RFX2: variants seen among roughly 807,000 people sequenced by gnomAD.
RFX2 encodes the protein DNA-binding protein RFX2.
A neutral mutation model predicts 87.8 loss-of-function variants in RFX2; 20 were observed. The observed-to-expected ratio is 0.23, with a 90% CI of 0.16 to 0.33. RFX2 has a LOEUF of 0.33. Ranked by LOEUF, RFX2 falls within the 10% of genes least tolerant of loss-of-function variation. The pLI is 1.00. For missense variants in RFX2, 767 were observed against 1,012.3 expected (o/e 0.76, Z 3.29); for synonymous variants, 397 against 431.3 (o/e 0.92, Z 0.98).
chr19:6,036,137 A>C (rs998909929), intron 5 of RFX2, among the ~76,000 whole-genome samples: 6 of 152,198 alleles, frequency 3.9e-5, no homozygotes, highest in African/African-American at 7.2e-5. Context: ...CATTCGTGAC[A>C]ATTACTGTAG....
At chr19:6,079,545 G>A (rs2144854976) in intron 1 of RFX2, among the ~76,000 whole-genome samples, 1 of 152,332 alleles carries the variant, frequency 6.6e-6, no homozygotes, top group African/African-American at 2.4e-5. Flanking sequence ...TGACTACAGA[G>A]AGAGGTTGGA....
At chr19:6,052,824 G>C (rs1244045015) in intron 1 of RFX2, among the ~76,000 whole-genome samples, 1 of 151,914 alleles carries the variant, frequency 6.6e-6, no homozygotes, top group African/African-American at 2.4e-5. Context: ...AAGAAAAATA[G>C]AAAATATTTT....
Position 6,083,117 on chromosome 19 carries a change from G to A in RFX2, c.-9+27276C>T, listed in dbSNP as rs1004014267. 1.3e-5 allele frequency among the ~76,000 whole-genome samples: 2 copies of A among 152,196 alleles called. No individual in the cohort carries two copies. The highest frequency in any genetic ancestry group is 1.5e-5 in the Non-Finnish European group (1 of 68,028). On this transcript the variant is annotated intron_variant, in intron 1 of 17. Coordinates refer to ENST00000303657, the MANE Select transcript of RFX2 (RefSeq NM_000635.4). The surrounding 1 kb of genome is among the most constrained non-coding windows in gnomAD (Gnocchi z 4.6). The stretch of plus-strand genomic sequence containing the variant: ...AGACGGGGTTTCACCCTGTTGTCCA[G>A]GCTGGTCTTGAACTCCTGGCCTCAA...
chr19:6,088,458 G>T (rs558157029), intron 1 of RFX2, among the ~76,000 whole-genome samples: 2 of 151,964 alleles, frequency 1.3e-5, no homozygotes, highest in Non-Finnish European at 2.9e-5. Context: ...TGATCCACCC[G>T]CCTCAGCCTC....
rs189070710 is a variant in RFX2, at chr19:6,072,583, C to T, written c.-8-25079G>A. Among the ~76,000 whole-genome samples the T allele has an allele frequency of 1.7e-4, 26 of 151,888 alleles. 1 individual carries two copies. Among genetic ancestry groups the T allele is most frequent in the Admixed American group, 1.0e-3 (16 of 15,252 alleles). On this transcript the variant is annotated intron_variant, in intron 1 of 17. Coordinates refer to ENST00000303657, the MANE Select transcript of RFX2 (RefSeq NM_000635.4). The stretch of plus-strand genomic sequence containing the variant: ...TATTCGGGTAAGGTGGGTGTGCCTG[C>T]GGTCCCAGCTACTCAGGAGGCTGAG...
At position 6,013,546 on chromosome 19, in the gene RFX2, G is replaced by A. The variant is rs1284995345; in HGVS notation, c.780-441C>T. Among the ~76,000 whole-genome samples the A allele has an allele frequency of 6.7e-6, 1 of 150,342 alleles. No homozygotes were observed. The highest frequency in any genetic ancestry group is 6.6e-5 in the Admixed American group (1 of 15,128). On this transcript the variant is annotated intron_variant, in intron 7 of 17. Transcript: ENST00000303657. This position sits in a 1 kb window ranked among gnomAD's most constrained non-coding sequence, Gnocchi z 4.1. The stretch of plus-strand genomic sequence containing the variant: ...CTCACTCTGTCACCCAGGCTGGAGT[G>A]CAGTTGTGCAATCACAGCTCACTAT...
chr19:6,024,679 T>C lies in RFX2; in HGVS notation c.597+1484A>G, dbSNP rs117439636. Among the ~76,000 whole-genome samples, 14 of 152,256 alleles carry C rather than the reference T, an allele frequency of 9.2e-5. No homozygotes were observed. The highest frequency in any genetic ancestry group is 1.9e-4 in the Non-Finnish European group (13 of 68,028). On this transcript the variant is annotated intron_variant, in intron 6 of 17. Coordinates refer to ENST00000303657, the MANE Select transcript of RFX2 (RefSeq NM_000635.4). This position sits in a 1 kb window ranked among gnomAD's most constrained non-coding sequence, Gnocchi z 5.0. ...ACTGCCTTTTGATAACGCCTCATTTTACACATCGGCCAGCACAGAAGTCAG... is the reference window on the plus strand; with the variant it reads ...ACTGCCTTTTGATAACGCCTCATTTCACACATCGGCCAGCACAGAAGTCAG...
chr19:5,998,040 G>A lies in RFX2; in HGVS notation c.1860-827C>T, dbSNP rs966209896. On this transcript the variant is annotated intron_variant, in intron 15 of 17. Transcript: ENST00000303657. This position sits in a 1 kb window ranked among gnomAD's most constrained non-coding sequence, Gnocchi z 4.2. ...AGACCAAAGGGGGCTAGGCACGGTC[G>A]CTCACACCTGTAATCCCAGCACTTT... 3.9e-5 allele frequency among the ~76,000 whole-genome samples: 6 copies of A among 152,048 alleles called. No homozygotes were observed. Among genetic ancestry groups the A allele is most frequent in the Admixed American group, 1.3e-4 (2 of 15,262 alleles).
Position 6,004,310 on chromosome 19 carries a change from A to G in RFX2, c.1403-12T>C, listed in dbSNP as rs190391258. 14 of 1,605,930 alleles carry G rather than the reference A, an allele frequency of 8.7e-6. No homozygotes were observed. Among genetic ancestry groups the G allele is most frequent in the Non-Finnish European group, 9.4e-6 (11 of 1,172,592 alleles). On this transcript the variant is annotated splice_polypyrimidine_tract_variant and intron_variant, in intron 12 of 17. Coordinates refer to ENST00000303657, the MANE Select transcript of RFX2 (RefSeq NM_000635.4). This position sits in a 1 kb window ranked among gnomAD's most constrained non-coding sequence, Gnocchi z 4.8. ...CTGTGTCAAGGTACCTGGGGGATAC[A>G]GACCATGATATTACCAGGGAGAAAG... is the stretch of plus-strand genomic sequence containing the variant.
At chr19:6,066,311 A>G (rs1295802912) in intron 1 of RFX2, among the ~76,000 whole-genome samples, 3 of 152,142 alleles carry the variant, frequency 2.0e-5, no homozygotes, top group Non-Finnish European at 2.9e-5. Context: ...GCTGGGTCCA[A>G]TTTCCACCCT....
intron 1 of RFX2, among the ~76,000 whole-genome samples, chr19:6,095,143 A>C (rs987755433): frequency 6.6e-6 from 1 of 152,130 alleles, no homozygotes; most frequent in Non-Finnish European, 1.5e-5. Flanking sequence ...CAAATAAATA[A>C]AATGCGGCTA....
At position 6,044,347 on chromosome 19, in the gene RFX2, A is replaced by C; in HGVS notation, c.91-65T>G. The C allele has an allele frequency of 1.0e-6, 1 of 986,190 alleles. No homozygotes were observed. Among genetic ancestry groups the C allele is most frequent in the Non-Finnish European group, 1.4e-6 (1 of 704,484 alleles). 61.1% of individuals were successfully genotyped at this position (986,190 alleles called of 1,614,324 possible). A position where few individuals can be genotyped will look rare whatever the true frequency, so the allele number is the denominator to read the frequency against. On this transcript the variant is annotated intron_variant, in intron 2 of 17. Coordinates refer to ENST00000303657, the MANE Select transcript of RFX2 (RefSeq NM_000635.4). This position sits in a 1 kb window ranked among gnomAD's most constrained non-coding sequence, Gnocchi z 5.3. ...AGGTCAGTGCTGAGGATACACACAG[A>C]ATGTAAGATGCTGTTTGTCTGTTCA...
rs117115502 is a variant in RFX2, at chr19:6,058,630, G to A, written c.-8-11126C>T. The stretch of plus-strand genomic sequence containing the variant: ...TTTTTTTCTCCTCTTGTAGCAATGG[G>A]CTTTCAAGGACTGGAGCTGGCTCCG... On this transcript the variant is annotated intron_variant, in intron 1 of 17. Coordinates refer to ENST00000303657, the MANE Select transcript of RFX2 (RefSeq NM_000635.4). Among the ~76,000 whole-genome samples, 687 of 152,012 alleles carry A rather than the reference G, an allele frequency of 4.5e-3. 8 individuals are homozygous for A. In the East Asian group the frequency reaches 0.07, roughly 16 times the overall value.
chr19:6,091,156 C>T (rs567570874), intron 1 of RFX2, among the ~76,000 whole-genome samples: 1 of 152,202 alleles, frequency 6.6e-6, no homozygotes, highest in South Asian at 2.1e-4. Context: ...CTGTGAAAAT[C>T]CTAAAATCCA....
At chr19:6,092,272 A>G (rs2087946707) in intron 1 of RFX2, among the ~76,000 whole-genome samples, 1 of 152,234 alleles carries the variant, frequency 6.6e-6, no homozygotes, top group South Asian at 2.1e-4. Context: ...TGGCTGCACA[A>G]CTGAGCTCCC....
At chr19:6,052,921 TAAG>T (rs1052145885) in intron 1 of RFX2, among the ~76,000 whole-genome samples, 17 of 151,832 alleles carry the variant, frequency 1.1e-4, no homozygotes, top group Admixed American at 3.9e-4. Flanking sequence ...GTAAAATTAT[TAAG>T]AAAAAAAAGT....
At chr19:6,081,156 A>G (rs2087777873) in intron 1 of RFX2, among the ~76,000 whole-genome samples, 1 of 152,202 alleles carries the variant, frequency 6.6e-6, no homozygotes, top group Non-Finnish European at 1.5e-5. Context: ...ATAGACAGAA[A>G]GAGTGAATGC....
At chr19:6,008,516 G>A (rs1208742499) in intron 9 of RFX2, among the ~76,000 whole-genome samples, 3 of 151,458 alleles carry the variant, frequency 2.0e-5, no homozygotes, top group Non-Finnish European at 4.4e-5. Context: ...GGGATTACAG[G>A]TGGGCGCCAC....
In RFX2 at chr19:6,008,207, G is replaced by A. The variant is rs957271701; in HGVS notation, c.1033C>T (p.Pro345Ser). The A allele has an allele frequency of 3.2e-6, 5 of 1,559,598 alleles. No individual in the cohort carries two copies. The highest frequency in any genetic ancestry group is 1.9e-5 in the Admixed American group (1 of 51,544). ...CCCAGGTCGGGCGCTGGGAACTCGGGGAAGACGTGGGAGACATCTGGGGGA... is the reference window on the plus strand; with the variant it reads ...CCCAGGTCGGGCGCTGGGAACTCGGAGAAGACGTGGGAGACATCTGGGGGA... ...QQYIDVSHVF[P>S]EFPAPDLGSF... The change falls in exon 10 of 18, where the codon CCC (proline) becomes TCC (serine). Residue 345 changes from proline (P) to serine (S), a missense_variant. Pro to Ser is a moderately conservative substitution (Grantham distance 74, BLOSUM62 -1). Around this residue, in one of 2 missense-constraint regions of RFX2, gnomAD observed 621 missense variants for 873.0 expected, o/e 0.71. Transcript: ENST00000303657.
Sources: allele counts gnomAD v4.1 joint callset (sites outside exome capture counted in the v4.1 genomes callset), GRCh38; gene constraint gnomAD v4.1.1; regional missense constraint gnomAD v4.1.1; non-coding constraint Gnocchi (gnomAD v3.1); transcripts MANE v1.5; gene names NCBI Gene and HGNC (gene_info 2026-07-23, HGNC 2026-07-21).